CYFIP2: variants seen among roughly 807,000 people sequenced by gnomAD.
CYFIP2 encodes the protein cytoplasmic FMR1 interacting protein 2.
Under a neutral mutation model 158.7 loss-of-function variants are expected in CYFIP2, and 29 were observed. The observed-to-expected ratio is 0.18, with a 90% CI of 0.14 to 0.25. The LOEUF (loss-of-function observed/expected upper bound fraction) is 0.25. Among genes scored for constraint, CYFIP2 ranks in the 10% least tolerant of loss-of-function variants. CYFIP2 has a pLI of 1.00. For missense variants in CYFIP2, 852 were observed against 1,639.5 expected (o/e 0.52, Z 8.29); for synonymous variants, 585 against 617.6 (o/e 0.95, Z 0.78).
intron 26 of CYFIP2, among the ~76,000 whole-genome samples, chr5:157,371,152 C>T (rs1375540287): frequency 6.6e-6 from 1 of 152,140 alleles, no homozygotes; most frequent in African/African-American, 2.4e-5. Flanking sequence ...TAATTTCTTG[C>T]CTGCTTCACA....
chr5:157,324,105 G>A (rs1347352026), intron 16 of CYFIP2, 31 bp downstream of exon 16: 3 of 1,579,668 alleles, frequency 1.9e-6, no homozygotes, highest in Admixed American at 1.7e-5. Flanking sequence ...GCTAAGGCAT[G>A]GGAGGAGGGG....
In CYFIP2 at chr5:157,314,433, A is replaced by G. The variant is rs746222503; in HGVS notation, c.1200A>G (p.Leu400=). Residue 400 remains leucine, a synonymous_variant, in exon 12 of 31, where the codon CTA becomes CTG. Coordinates refer to ENST00000620254, the MANE Select transcript of CYFIP2 (RefSeq NM_001037333.3). The part of the protein sequence containing the change: ...FDLALRGLQL[L]SKWSAHVMEV... ...TAGCCCTGCGGGGTCTGCAGCTTCT[A>G]TCCAAGTGGAGCGCCCACGTCATGG... 6 of 1,613,738 alleles carry G rather than the reference A, an allele frequency of 3.7e-6. No homozygotes were observed. Among genetic ancestry groups the G allele is most frequent in the Admixed American group, 1.7e-5 (1 of 59,980 alleles).
intron 26 of CYFIP2, among the ~76,000 whole-genome samples, chr5:157,379,430 A>T (rs1765814923): frequency 6.6e-6 from 1 of 151,994 alleles, no homozygotes; most frequent in Non-Finnish European, 1.5e-5. Flanking sequence ...TGATAAGCTG[A>T]ATAGTGCTGT....
At chr5:157,310,787 A>G (rs17597223) in intron 10 of CYFIP2, among the ~76,000 whole-genome samples, 41,030 of 152,114 alleles carry the variant, frequency 0.27, 5,962 homozygotes, top group Non-Finnish European at 0.34. Flanking sequence ...GAAGGCTGTC[A>G]CTGTTCTACC....
intron 23 of CYFIP2, among the ~76,000 whole-genome samples, chr5:157,341,387 CAAAAAAAT>C (rs1762243149): frequency 6.6e-6 from 1 of 151,246 alleles, no homozygotes; most frequent in African/African-American, 2.4e-5. Flanking sequence ...CTGTCTCTAC[CAAAAAAAT>C]AAAAAATAAA....
chr5:157,300,228 C>A (rs955240888), intron 5 of CYFIP2, among the ~76,000 whole-genome samples: 5 of 152,084 alleles, frequency 3.3e-5, no homozygotes, highest in Non-Finnish European at 1.5e-5. Flanking sequence ...AGGTTCCAGG[C>A]TCCCCTCAAG....
At chr5:157,327,681 C>T (rs1003694334) in intron 18 of CYFIP2, among the ~76,000 whole-genome samples, 1 of 152,126 alleles carries the variant, frequency 6.6e-6, no homozygotes. Flanking sequence ...TGGGTTCTGA[C>T]AGTCTGTCTG....
intron 3 of CYFIP2, 145 bp from the exon 4 acceptor site, chr5:157,294,638 G>C: frequency 1.8e-6 from 1 of 556,120 alleles, no homozygotes; most frequent in East Asian, 2.9e-5. Flanking sequence ...AGGGACCTGA[G>C]ATTCTCCATT....
chr5:157,279,582 C>G (rs1305893223), intron 1 of CYFIP2, among the ~76,000 whole-genome samples: 1 of 152,152 alleles, frequency 6.6e-6, no homozygotes, highest in East Asian at 1.9e-4. Flanking sequence ...TTCTCAGAAG[C>G]AAATTGCTTG....
chr5:157,378,343 A>G (rs529540791), intron 26 of CYFIP2, among the ~76,000 whole-genome samples: 2 of 152,358 alleles, frequency 1.3e-5, no homozygotes, highest in African/African-American at 4.8e-5. Context: ...CAAACTGCAT[A>G]TATACCACAG....
intron 26 of CYFIP2, among the ~76,000 whole-genome samples, chr5:157,370,138 C>T (rs1183811252): frequency 6.6e-6 from 1 of 152,162 alleles, no homozygotes; most frequent in African/African-American, 2.4e-5. Flanking sequence ...CTCAGCCTCC[C>T]AAAGTGCTGG....
At chr5:157,352,494 A>G (rs1763137736) in intron 23 of CYFIP2, among the ~76,000 whole-genome samples, 1 of 152,154 alleles carries the variant, frequency 6.6e-6, no homozygotes, top group Non-Finnish European at 1.5e-5. Context: ...TTCTGTCTGC[A>G]TGGTACCACT....
At position 157,383,365 on chromosome 5, in the gene CYFIP2, A is replaced by G. The variant is rs1766320402; in HGVS notation, c.3207+6A>G. On this transcript the variant is annotated splice_donor_region_variant and intron_variant, in intron 28 of 30. Coordinates refer to ENST00000620254, the MANE Select transcript of CYFIP2 (RefSeq NM_001037333.3). Reference sequence around the variant, plus strand: ...AGCGGCTGGGGACCCCTCAGGTACCAATCTTATATAATAAATGGGCTCTGA... The same window carrying G: ...AGCGGCTGGGGACCCCTCAGGTACCGATCTTATATAATAAATGGGCTCTGA... 3 of 1,612,066 alleles carry G rather than the reference A, an allele frequency of 1.9e-6. No individual in the cohort carries two copies. Among genetic ancestry groups the G allele is most frequent in the East Asian group, 4.5e-5 (2 of 44,874 alleles).
At chr5:157,364,988 T>C (rs1764230540) in intron 26 of CYFIP2, 1 of 152,046 alleles carries the variant, frequency 6.6e-6, no homozygotes, top group South Asian at 2.1e-4. Context: ...AAAGATACAA[T>C]ATTGAGCTTT....
chr5:157,297,562 G>A (rs746894793), intron 5 of CYFIP2, among the ~76,000 whole-genome samples: 1 of 152,122 alleles, frequency 6.6e-6, no homozygotes, highest in African/African-American at 2.4e-5. Flanking sequence ...ACCTGCCTTC[G>A]GGAGCCCAAA....
intron 8 of CYFIP2, among the ~76,000 whole-genome samples, chr5:157,305,928 A>C (rs992577963): frequency 6.6e-6 from 1 of 152,168 alleles, no homozygotes; most frequent in Non-Finnish European, 1.5e-5. Context: ...GACTAAATTT[A>C]TTTGGCTATG....
In CYFIP2 at chr5:157,395,416, AATTTAC is replaced by A; in HGVS notation, c.*2422_*2427del. On this transcript the variant is annotated 3_prime_UTR_variant, in exon 31 of 31. Transcript: ENST00000620254. ...AGTTGTTGGGAATTTTTGTACAATG[AATTTAC>A]ATTTATTTATGGTGACATATTTACG... 1 of 370,984 alleles carries A rather than the reference AATTTAC, an allele frequency of 2.7e-6. No homozygotes were observed. Among genetic ancestry groups the A allele is most frequent in the Non-Finnish European group, 5.2e-6 (1 of 193,494 alleles). The allele number at this position is 370,984 out of a possible 1,614,324, so 23.0% of individuals were successfully genotyped here. A position where few individuals can be genotyped will look rare whatever the true frequency, so the allele number is the denominator to read the frequency against.
intron 23 of CYFIP2, among the ~76,000 whole-genome samples, chr5:157,344,487 G>A (rs1487509396): frequency 2.6e-5 from 4 of 152,122 alleles, no homozygotes; most frequent in Admixed American, 6.5e-5. Context: ...AGACGTTATC[G>A]CAAAATGAGG....
chr5:157,299,640 C>T (rs1439287269), intron 5 of CYFIP2, among the ~76,000 whole-genome samples: 1 of 152,160 alleles, frequency 6.6e-6, no homozygotes, highest in African/African-American at 2.4e-5. Context: ...GTGGTTCATG[C>T]CTGTAATCCC....
Sources: allele counts gnomAD v4.1 joint callset (sites outside exome capture counted in the v4.1 genomes callset), GRCh38; gene constraint gnomAD v4.1.1; transcripts MANE v1.5; gene names NCBI Gene and HGNC (gene_info 2026-07-23, HGNC 2026-07-21).